Variants in ATP9A observed in about 807,000 individuals in gnomAD.
The protein encoded by ATP9A is probable phospholipid-transporting ATPase IIA.
ATP9A carries 52 observed loss-of-function variants against 144.1 expected under a neutral mutation model. That is an observed-to-expected ratio of 0.36 (90% CI 0.29 to 0.45). The LOEUF (loss-of-function observed/expected upper bound fraction) is 0.45. ATP9A is among the 20% of genes least tolerant of loss of function. The pLI is 1.00. For missense variants in ATP9A, 947 were observed against 1,392.7 expected (o/e 0.68, Z 5.09); for synonymous variants, 582 against 557.4 (o/e 1.04, Z -0.62).
At chr20:51,718,983 C>T (rs1211722838) in intron 3 of ATP9A, among the ~76,000 whole-genome samples, 1 of 151,662 alleles carries the variant, frequency 6.6e-6, no homozygotes, top group Admixed American at 6.6e-5. Flanking sequence ...CAAAAATTAG[C>T]TGGGCGTGGT....
At chr20:51,734,950 G>A (rs1467846959) in intron 1 of ATP9A, 2 of 207,168 alleles carry the variant, frequency 9.7e-6, no homozygotes, top group Non-Finnish European at 2.1e-5. Flanking sequence ...ACTGCTAAGG[G>A]TCTTAGGCTG....
intron 12 of ATP9A, among the ~76,000 whole-genome samples, chr20:51,670,676 C>T (rs912525674): frequency 7.9e-5 from 12 of 152,310 alleles, no homozygotes; most frequent in Middle Eastern, 3.4e-3. Flanking sequence ...CCTCCCAATC[C>T]TTGCTCTTCA....
chr20:51,700,850 G>A (rs1329781578), intron 4 of ATP9A, among the ~76,000 whole-genome samples: 1 of 152,090 alleles, frequency 6.6e-6, no homozygotes, highest in Non-Finnish European at 1.5e-5. Flanking sequence ...AAAACAGAGA[G>A]GGAGCGAAAG....
chr20:51,654,598 G>C (rs571114665), intron 14 of ATP9A, among the ~76,000 whole-genome samples: 1 of 151,974 alleles, frequency 6.6e-6, no homozygotes, highest in Non-Finnish European at 1.5e-5. Flanking sequence ...GGTGGCACAC[G>C]CCTGTAGTCC....
At chr20:51,637,841 T>A (rs908568075) in intron 15 of ATP9A, among the ~76,000 whole-genome samples, 2 of 151,216 alleles carry the variant, frequency 1.3e-5, no homozygotes, top group African/African-American at 4.9e-5. Context: ...TAGTCTTTTA[T>A]CCCTCACCGT....
At chr20:51,621,029 C>T (rs980304587) in intron 19 of ATP9A, among the ~76,000 whole-genome samples, 6 of 151,880 alleles carry the variant, frequency 4.0e-5, no homozygotes, top group South Asian at 4.2e-4. Context: ...CGCCTGTAAT[C>T]CCAGCTACTT....
chr20:51,763,534 G>T (rs147477156), intron 1 of ATP9A, among the ~76,000 whole-genome samples: 19 of 151,862 alleles, frequency 1.3e-4, no homozygotes, highest in East Asian at 3.9e-4. Flanking sequence ...AGGATGGTCT[G>T]GATCTCCTGA....
intron 1 of ATP9A, among the ~76,000 whole-genome samples, chr20:51,739,193 G>A (rs1014808823): frequency 2.0e-5 from 3 of 151,994 alleles, no homozygotes; most frequent in Non-Finnish European, 2.9e-5. Flanking sequence ...CTGCAAGCCC[G>A]CCAACTTTCT....
intron 3 of ATP9A, among the ~76,000 whole-genome samples, chr20:51,722,112 T>C (rs1205285263): frequency 6.6e-6 from 1 of 151,898 alleles, no homozygotes; most frequent in Non-Finnish European, 1.5e-5. Context: ...TTTCAACAAA[T>C]GGTGCTGGGA....
At chr20:51,674,057 C>T in intron 11 of ATP9A, 96 bp downstream of exon 11, 2 of 1,405,526 alleles carry the variant, frequency 1.4e-6, no homozygotes, top group Non-Finnish European at 1.9e-6. Context: ...TCTCAGAAAA[C>T]AATAATAATA....
chr20:51,759,892 C>T (rs539252886), intron 1 of ATP9A, among the ~76,000 whole-genome samples: 38 of 152,168 alleles, frequency 2.5e-4, no homozygotes, highest in African/African-American at 9.2e-4. Context: ...ACAGCTGCAG[C>T]CCCTTCACAG....
intron 9 of ATP9A, among the ~76,000 whole-genome samples, chr20:51,684,620 C>A (rs1434471751): frequency 6.7e-6 from 1 of 149,448 alleles, no homozygotes; most frequent in Non-Finnish European, 1.5e-5. Flanking sequence ...GGCGTGAACC[C>A]GGGAGGCGGA....
At chr20:51,767,335 G>A (rs1489959971) in intron 1 of ATP9A, among the ~76,000 whole-genome samples, 2 of 152,132 alleles carry the variant, frequency 1.3e-5, no homozygotes, top group Non-Finnish European at 2.9e-5. Context: ...CCGCCCCCCA[G>A]AACTCTGATT....
In ATP9A at chr20:51,763,594, T is replaced by G. The variant is rs150607675; in HGVS notation, c.68+4708A>C. 2.2e-4 allele frequency among the ~76,000 whole-genome samples: 34 copies of G among 152,332 alleles called. No homozygotes were observed. The East Asian group carries it at 6.0e-3, about 27-fold the overall frequency. ...TCCCAAAGTGCTGGGATTACAGGAATGAGCCACCGCACCTGGCCAGTTTAC... is the reference window on the plus strand; with the variant it reads ...TCCCAAAGTGCTGGGATTACAGGAAGGAGCCACCGCACCTGGCCAGTTTAC... On this transcript the variant is annotated intron_variant, in intron 1 of 27. Transcript: ENST00000338821.
intron 27 of ATP9A, 84 bp from the exon 28 acceptor site, chr20:51,601,431 TCAAAGGGAAAGTCATCTCCCGTCA>T: frequency 7.3e-7 from 1 of 1,376,462 alleles, no homozygotes; most frequent in Non-Finnish European, 9.7e-7. Flanking sequence ...GTCACAACTA[TCAAAGGGAAAGTCATCTCCCGTCA>T]CAAACCCACA....
intron 1 of ATP9A, among the ~76,000 whole-genome samples, chr20:51,746,511 C>A (rs1054546221): frequency 9.3e-5 from 14 of 150,314 alleles, no homozygotes; most frequent in African/African-American, 3.4e-4. Context: ...CCAGCCTGGC[C>A]AACATAGCTA....
In ATP9A at chr20:51,618,806, C is replaced by G. The variant is rs1222983942; in HGVS notation, c.2206G>C (p.Val736Leu). 1 of 1,586,398 alleles carries G rather than the reference C, an allele frequency of 6.3e-7. No homozygotes were observed. The highest frequency in any genetic ancestry group is 8.6e-7 in the Non-Finnish European group (1 of 1,163,968). ...ALVISGDSLEVCLKYYEYEFM... is the reference protein window; with the variant it reads ...ALVISGDSLELCLKYYEYEFM... ...TCGTACTCATAGTACTTGAGGCAAA[C>G]CTGCAGGGTGGAGGGAGAGGTGGTG... Residue 736 changes from valine (V) to leucine (L), a missense_variant and splice_region_variant, in exon 21 of 28, where the codon GTT becomes CTT. Around this residue, in one of 2 missense-constraint regions of ATP9A, gnomAD observed 770 missense variants for 1,047.9 expected, o/e 0.73. Coordinates refer to ENST00000338821, the MANE Select transcript of ATP9A (RefSeq NM_006045.3).
intron 6 of ATP9A, among the ~76,000 whole-genome samples, chr20:51,695,283 G>A (rs868240763): frequency 1.3e-5 from 2 of 151,980 alleles, no homozygotes; most frequent in African/African-American, 4.8e-5. Context: ...AGGAGTTCGA[G>A]ACCAGCCTGG....
chr20:51,728,570 G>A (rs866672860), intron 2 of ATP9A, among the ~76,000 whole-genome samples: 9 of 151,014 alleles, frequency 6.0e-5, no homozygotes, highest in Middle Eastern at 3.2e-3. Flanking sequence ...GGAGGTTGCA[G>A]TGAGCCAAGA....
Sources: gnomAD v4.1 joint callset for allele counts (sites outside exome capture counted in the v4.1 genomes callset) on GRCh38, gnomAD v4.1.1 for gene constraint, gnomAD v4.1.1 regional missense constraint, MANE v1.5 for transcripts, NCBI Gene and HGNC (gene_info 2026-07-23, HGNC 2026-07-21) for gene names.